The following MKLN1 variants were observed in gnomAD, a reference collection of about 807,000 sequenced individuals.
The protein encoded by MKLN1 is muskelin.
Under a neutral mutation model 99.0 loss-of-function variants are expected in MKLN1, and 18 were observed. The observed-to-expected ratio is 0.18, with a 90% confidence interval of 0.13 to 0.27. The LOEUF (loss-of-function observed/expected upper bound fraction) is 0.27. Among genes scored for constraint, MKLN1 ranks in the 10% least tolerant of loss-of-function variants. The pLI, the probability that MKLN1 is intolerant of heterozygous loss-of-function variation, is 1.00. For missense variants in MKLN1, 621 were observed against 875.9 expected (o/e 0.71, Z 3.67); for synonymous variants, 288 against 293.2 (o/e 0.98, Z 0.18).
intron 2 of MKLN1, among the ~76,000 whole-genome samples, chr7:131,160,330 G>C (rs1006054443): frequency 6.6e-6 from 1 of 151,924 alleles, no homozygotes. Flanking sequence ...TTGGGCATTT[G>C]GGTGGTTTCC....
Position 131,317,727 on chromosome 7 carries a change from T to C in MKLN1, c.-178-57697T>C, listed in dbSNP as rs181059521. On this transcript the variant is annotated intron_variant, in intron 3 of 7. Coordinates refer to the MKLN1 transcript ENST00000416992. ...GAGACCCATCTCACATGCAAAGACA[T>C]ACATAGGCTCAAAATAAAGGGACGA... Among the ~76,000 whole-genome samples, 7 of 81,242 alleles carry C rather than the reference T, an allele frequency of 8.6e-5. No homozygotes were observed. In the East Asian group the frequency reaches 2.7e-3, roughly 31 times the overall value. 53.3% of individuals were successfully genotyped at this position (81,242 alleles called of 152,430 possible). A position where few individuals can be genotyped will look rare whatever the true frequency, so the allele number is the denominator to read the frequency against.
At chr7:131,466,247 A>C in intron 14 of MKLN1, 29 bp from the exon 15 acceptor site, 1 of 1,529,246 alleles carries the variant, frequency 6.5e-7, no homozygotes, top group Admixed American at 1.8e-5. Flanking sequence ...ATGCATTTTT[A>C]AAAATCTGGC....
chr7:131,114,283 T>C (rs921678476), intron 1 of MKLN1, among the ~76,000 whole-genome samples: 1 of 151,926 alleles, frequency 6.6e-6, no homozygotes, highest in African/African-American at 2.4e-5. Context: ...GAAAAGCAGG[T>C]TGTGGAGTGA....
rs1043964453 is a variant in MKLN1 at position 131,330,351 on chromosome 7, A to T, written c.98+2354A>T. ...TGTTGGCATAGATCTAAGCATTTCG[A>T]GGTGGCAGTAATAAATCAGTAACAA... On this transcript the variant is annotated intron_variant, in intron 1 of 17. Coordinates refer to ENST00000352689, the MANE Select transcript of MKLN1 (RefSeq NM_013255.5). Among the ~76,000 whole-genome samples, 5 of 152,242 alleles carry T rather than the reference A, an allele frequency of 3.3e-5. No homozygotes were observed. The South Asian group carries it at 1.0e-3, about 32-fold the overall frequency.
chr7:131,472,677 G>A (rs1457380733), intron 16 of MKLN1, among the ~76,000 whole-genome samples: 1 of 152,004 alleles, frequency 6.6e-6, no homozygotes, highest in Non-Finnish European at 1.5e-5. Flanking sequence ...TTGGCTGGGC[G>A]CGGTGGCTCA....
intron 1 of MKLN1, among the ~76,000 whole-genome samples, chr7:131,356,812 T>TA (rs762486806): frequency 3.0e-4 from 46 of 152,292 alleles, no homozygotes; most frequent in Middle Eastern, 3.4e-3. Context: ...ATACCCAAGT[T>TA]ACCCCGATTC....
chr7:131,117,899 A>G (rs757685480), intron 1 of MKLN1, among the ~76,000 whole-genome samples: 2 of 152,242 alleles, frequency 1.3e-5, no homozygotes, highest in South Asian at 4.1e-4. Flanking sequence ...AAGATCAGGT[A>G]CATGAATAGA....
chr7:131,304,967 C>T (rs1798433026), intron 3 of MKLN1, among the ~76,000 whole-genome samples: 1 of 152,148 alleles, frequency 6.6e-6, no homozygotes, highest in African/African-American at 2.4e-5. Flanking sequence ...GGCAGGCCCC[C>T]TTTTTGCCCT....
chr7:131,418,583 C>A (rs1442318916), intron 8 of MKLN1, among the ~76,000 whole-genome samples: 1 of 152,126 alleles, frequency 6.6e-6, no homozygotes, highest in Non-Finnish European at 1.5e-5. Context: ...CCATCCTGGG[C>A]CTCATGCAGC....
At chr7:131,158,798 G>C (rs1041100347) in intron 2 of MKLN1, among the ~76,000 whole-genome samples, 1 of 152,158 alleles carries the variant, frequency 6.6e-6, no homozygotes, top group Non-Finnish European at 1.5e-5. Context: ...AGTGCCATTG[G>C]CCAGAATTGC....
chr7:131,269,449 A>T (rs1797853759), intron 3 of MKLN1, among the ~76,000 whole-genome samples: 1 of 152,172 alleles, frequency 6.6e-6, no homozygotes, highest in African/African-American at 2.4e-5. Context: ...CATTTATCCC[A>T]TTCCTGGGGG....
intron 6 of MKLN1, among the ~76,000 whole-genome samples, chr7:131,400,542 C>G (rs1225765596): frequency 8.5e-6 from 1 of 117,528 alleles, no homozygotes; most frequent in Non-Finnish European, 1.7e-5. Flanking sequence ...TATATATATG[C>G]CATTTCTAGG....
chr7:131,136,892 TG>T (rs1208903725), intron 1 of MKLN1, among the ~76,000 whole-genome samples: 1 of 152,218 alleles, frequency 6.6e-6, no homozygotes, highest in Non-Finnish European at 1.5e-5. Flanking sequence ...CACATTTGCG[TG>T]TAGTTCAATC....
chr7:131,443,383 GT>G (rs1270199761), intron 10 of MKLN1, 97 bp from the exon 11 acceptor site: 4 of 843,978 alleles, frequency 4.7e-6, no homozygotes, highest in Non-Finnish European at 7.8e-6. Context: ...AAAGTTTAGG[GT>G]TTTTTTGAGA....
chr7:131,186,687 C>T lies in MKLN1; in HGVS notation c.-296-16170C>T, dbSNP rs376069513. Among the ~76,000 whole-genome samples the T allele has an allele frequency of 5.9e-5, 9 of 152,238 alleles. No homozygotes were observed. The East Asian group carries it at 9.6e-4, about 16-fold the overall frequency. On this transcript the variant is annotated intron_variant, in intron 2 of 7. Coordinates refer to the MKLN1 transcript ENST00000416992. ...AAAGTACTCAATAAATGTTTCTGAA[C>T]GTATGATTGTCTTGTGGAAACAGGC...
intron 15 of MKLN1, among the ~76,000 whole-genome samples, chr7:131,470,030 C>T (rs1021331967): frequency 2.0e-5 from 3 of 151,986 alleles, no homozygotes; most frequent in Non-Finnish European, 2.9e-5. Context: ...CATGTGCCAC[C>T]GCACCTGGCT....
chr7:131,385,191 G>A (rs1005122087), intron 2 of MKLN1, among the ~76,000 whole-genome samples: 2 of 152,164 alleles, frequency 1.3e-5, no homozygotes, highest in Admixed American at 6.5e-5. Context: ...GTGTGTCAGT[G>A]TGCATTCCTT....
intron 2 of MKLN1, among the ~76,000 whole-genome samples, chr7:131,180,843 G>T (rs1796368240): frequency 6.6e-6 from 1 of 151,982 alleles, no homozygotes; most frequent in Admixed American, 6.6e-5. Context: ...ATAAATCTTA[G>T]AATAATTCCA....
chr7:131,246,926 T>C (rs1797498044), intron 3 of MKLN1, among the ~76,000 whole-genome samples: 1 of 152,228 alleles, frequency 6.6e-6, no homozygotes, highest in South Asian at 2.1e-4. Context: ...AAAGCTGACC[T>C]ATCTCAGGGC....
Sources: gnomAD v4.1 joint callset for allele counts (sites outside exome capture counted in the v4.1 genomes callset) on GRCh38, gnomAD v4.1.1 for gene constraint, MANE v1.5 for transcripts, NCBI Gene and HGNC (gene_info 2026-07-23, HGNC 2026-07-21) for gene names.